TPM1: variants seen among roughly 807,000 people sequenced by gnomAD.
The protein encoded by TPM1 is tropomyosin alpha-1 chain.
In TPM1, 24 loss-of-function variants were observed where a neutral mutation model predicts 42.9. That is an observed-to-expected ratio of 0.56 (90% CI 0.41 to 0.79). The LOEUF (loss-of-function observed/expected upper bound fraction) is 0.79. Among genes scored for constraint, TPM1 ranks in the 30% least tolerant of loss-of-function variants. TPM1 has a pLI of 0.00. For synonymous variants in TPM1, 136 were observed against 130.1 expected, an observed-to-expected ratio of 1.05 and a Z score of -0.31; for missense variants, 158 against 351.8, an observed-to-expected ratio of 0.45 and a Z score of 4.41.
At chr15:63,065,823 G>A in intron 9 of TPM1, 73 bp from the exon 10 acceptor site, 1 of 1,514,436 alleles carries the variant, frequency 6.6e-7, no homozygotes, top group Non-Finnish European at 9.0e-7. Flanking sequence ...CTATTGGTTT[G>A]GTTTCCTTTC....
intron 9 of TPM1, chr15:63,064,687 C>T (rs1389664316): frequency 1.3e-5 from 13 of 992,822 alleles, no homozygotes; most frequent in East Asian, 1.1e-4. Flanking sequence ...TAGAGTAGGC[C>T]GGGCACAGTG....
chr15:63,043,803 T>G, intron 1 of TPM1: 13 of 1,549,196 alleles, frequency 8.4e-6, no homozygotes, highest in Non-Finnish European at 1.1e-5. Flanking sequence ...GAGGACAGCC[T>G]CCTGGCCGCC....
At chr15:63,059,136 TATATAAAG>T (rs905690616) in intron 3 of TPM1, among the ~76,000 whole-genome samples, 1 of 152,220 alleles carries the variant, frequency 6.6e-6, no homozygotes, top group African/African-American at 2.4e-5. Context: ...TAGAAAGAGG[TATATAAAG>T]ATAAGTTTGA....
Position 63,064,092 on chromosome 15 carries a change from C to T in TPM1, c.801C>T (p.Tyr267=), listed in dbSNP as rs1400249209. ...EDELYAQKLK[Y]KAISEELDHA... Reference sequence around the variant, plus strand: ...AGCTGTACGCTCAGAAACTGAAGTACAAAGCCATCAGCGAGGAGCTGGACC... The same window carrying T: ...AGCTGTACGCTCAGAAACTGAAGTATAAAGCCATCAGCGAGGAGCTGGACC... Residue 267 remains tyrosine, a synonymous_variant, in exon 9 of 10, where the codon TAC becomes TAT. Coordinates refer to ENST00000403994, the MANE Select transcript of TPM1 (RefSeq NM_001018005.2). 6.2e-7 allele frequency: 1 copy of T among 1,614,156 alleles called. No individual in the cohort carries two copies. The highest frequency in any genetic ancestry group is 2.2e-5 in the East Asian group (1 of 44,886).
At chr15:63,063,207 C>T in intron 8 of TPM1, 2 of 985,226 alleles carry the variant, frequency 2.0e-6, no homozygotes, top group Non-Finnish European at 2.4e-6. Context: ...TCACAGATAT[C>T]CTAAATGTTG....
chr15:63,050,490 T>A (rs2033632909), intron 2 of TPM1, among the ~76,000 whole-genome samples: 1 of 152,230 alleles, frequency 6.6e-6, no homozygotes. Flanking sequence ...AGATAAATTT[T>A]ATGAAGGGCA....
chr15:63,048,788 C>G (rs973494390), intron 2 of TPM1: 35 of 1,489,664 alleles, frequency 2.3e-5, no homozygotes, highest in Non-Finnish European at 2.3e-5. Flanking sequence ...CTGCTTCCCC[C>G]CCCGCAGGCC....
chr15:63,067,750 T>G (rs2036361501), downstream of TPM1, among the ~76,000 whole-genome samples: 1 of 152,180 alleles, frequency 6.6e-6, no homozygotes, highest in Non-Finnish European at 1.5e-5. Flanking sequence ...GGCTTCTGGT[T>G]CAAAGGGCCA....
chr15:63,061,184 G>A, intron 5 of TPM1: 1 of 1,613,978 alleles, frequency 6.2e-7, no homozygotes, highest in Non-Finnish European at 8.5e-7. Context: ...TGCATTTCCT[G>A]TGTCCACTAA....
chr15:63,066,349 C>CT (rs1307156344), downstream of TPM1, among the ~76,000 whole-genome samples: 2 of 151,952 alleles, frequency 1.3e-5, no homozygotes, highest in Non-Finnish European at 2.9e-5. Flanking sequence ...GTCTGGACAT[C>CT]TGGGGGGGTT....
intron 8 of TPM1, chr15:63,063,212 A>C: frequency 1.0e-6 from 1 of 985,440 alleles, no homozygotes; most frequent in Non-Finnish European, 1.2e-6. Flanking sequence ...GATATCCTAA[A>C]TGTTGAGCTT....
intron 2 of TPM1, chr15:63,048,291 C>T: frequency 1.3e-6 from 1 of 753,280 alleles, no homozygotes; most frequent in Non-Finnish European, 2.1e-6. Flanking sequence ...CCGGGAGCGC[C>T]TTTCTCCCCG....
At chr15:63,064,653 C>T (rs2036068865) in intron 9 of TPM1, 1 of 999,100 alleles carries the variant, frequency 1.0e-6, no homozygotes, top group Non-Finnish European at 1.2e-6. Context: ...TACAAAAGAT[C>T]ATCTCTTTTA....
intron 3 of TPM1, 65 bp downstream of exon 3, chr15:63,057,183 C>G: frequency 1.9e-6 from 3 of 1,606,524 alleles, no homozygotes; most frequent in Admixed American, 1.7e-5. Flanking sequence ...CGGAGGGCTC[C>G]TGTGATCTTT....
At chr15:63,043,408 G>C in intron 1 of TPM1, 1 of 623,082 alleles carries the variant, frequency 1.6e-6, no homozygotes. Flanking sequence ...AGATGGGGCG[G>C]AATGGAGGCT....
chr15:63,065,926 C>T lies in TPM1; in HGVS notation c.*27C>T. The T allele has an allele frequency of 6.2e-7, 1 of 1,609,400 alleles. No individual in the cohort carries two copies. Among genetic ancestry groups the T allele is most frequent in the Non-Finnish European group, 8.5e-7 (1 of 1,177,974 alleles). On this transcript the variant is annotated 3_prime_UTR_variant, in exon 10 of 10. Coordinates refer to ENST00000403994, the MANE Select transcript of TPM1 (RefSeq NM_001018005.2). ...TTTCTTTGCTTCACTTCTCCCAAGA[C>T]TCCCTCGTCGAGCTGGATGTCCCAC...
intron 1 of TPM1, chr15:63,043,756 C>G: frequency 6.5e-7 from 1 of 1,549,734 alleles, no homozygotes; most frequent in South Asian, 1.2e-5. Flanking sequence ...TGTCGGAGGA[C>G]GAGCGGGACC....
intron 2 of TPM1, chr15:63,048,238 G>A (rs535280325): frequency 2.1e-6 from 1 of 481,928 alleles, no homozygotes; most frequent in East Asian, 6.7e-5. Context: ...CTAGTGCAGT[G>A]GCCTCCCGGA....
In TPM1 at chr15:63,042,771, G is replaced by C. The variant is rs929494574; in HGVS notation, c.-59G>C. ...CGCTCGCACTCCCGCTCCTCCGCCC[G>C]ACCGCGCGCTCGCCCCGCCGCTCCT... On this transcript the variant is annotated 5_prime_UTR_variant, in exon 1 of 10. Coordinates refer to ENST00000403994, the MANE Select transcript of TPM1 (RefSeq NM_001018005.2). 1 of 1,477,504 alleles carries C rather than the reference G, an allele frequency of 6.8e-7. No individual in the cohort carries two copies. Among genetic ancestry groups the C allele is most frequent in the South Asian group, 1.2e-5 (1 of 86,592 alleles). The allele number at this position is 1,477,504 out of a possible 1,614,324, so 91.5% of individuals were successfully genotyped here.
Sources: allele counts gnomAD v4.1 joint callset (sites outside exome capture counted in the v4.1 genomes callset), GRCh38; gene constraint gnomAD v4.1.1; transcripts MANE v1.5; gene names NCBI Gene and HGNC (gene_info 2026-07-23, HGNC 2026-07-21).